Variants in ANKRD13C observed in about 807,000 individuals in gnomAD.
The protein encoded by ANKRD13C is ankyrin repeat domain 13C, also known as ankyrin repeat domain-containing protein 13C.
ANKRD13C carries 16 observed loss-of-function variants against 65.5 expected under a neutral mutation model. The ratio of observed to expected loss-of-function variants is 0.24; its 90% CI spans 0.17 to 0.37. The LOEUF (loss-of-function observed/expected upper bound fraction) is 0.37, where lower values mean the gene tolerates loss of function less well. ANKRD13C is among the 10% of genes least tolerant of loss of function. The pLI is 1.00. For missense variants in ANKRD13C, 503 were observed against 655.9 expected (o/e 0.77, Z 2.55); for synonymous variants, 235 against 238.7 (o/e 0.98, Z 0.14).
chr1:70,316,521 A>T (rs974908852), intron 3 of ANKRD13C, among the ~76,000 whole-genome samples: 11 of 114,016 alleles, frequency 9.6e-5, no homozygotes, highest in African/African-American at 3.2e-4. Flanking sequence ...CATCTCTATT[A>T]AAAAAAAAAA....
intron 9 of ANKRD13C, among the ~76,000 whole-genome samples, chr1:70,291,869 A>T: frequency 6.6e-6 from 1 of 152,010 alleles, no homozygotes; most frequent in Non-Finnish European, 1.5e-5. Context: ...CTGTAATTCT[A>T]GCACTTTGGG....
At chr1:70,268,678 A>G (rs1312370402) in intron 12 of ANKRD13C, among the ~76,000 whole-genome samples, 1 of 152,164 alleles carries the variant, frequency 6.6e-6, no homozygotes, top group East Asian at 1.9e-4. Context: ...AGTAAAAATC[A>G]TCTGCGCTTA....
At chr1:70,283,685 G>GTAA (rs1558270272) in intron 9 of ANKRD13C, among the ~76,000 whole-genome samples, 1 of 151,964 alleles carries the variant, frequency 6.6e-6, no homozygotes, top group Non-Finnish European at 1.5e-5. Context: ...TGTGGTGCCC[G>GTAA]TAATCCCAGC....
At chr1:70,323,056 C>T (rs959396802) in intron 3 of ANKRD13C, among the ~76,000 whole-genome samples, 6 of 152,090 alleles carry the variant, frequency 3.9e-5, no homozygotes, top group African/African-American at 1.4e-4. Context: ...AGAAGACAAT[C>T]TTGTTTCCTC....
chr1:70,336,153 A>G, intron 1 of ANKRD13C, 54 bp from the exon 2 acceptor site: 1 of 492,266 alleles, frequency 2.0e-6, no homozygotes, highest in Non-Finnish European at 3.1e-6. Flanking sequence ...ACATAAGAAC[A>G]TTTACTTAAA....
At chr1:70,300,687 T>G in intron 7 of ANKRD13C, 77 bp downstream of exon 7, 2 of 1,351,036 alleles carry the variant, frequency 1.5e-6, no homozygotes, top group South Asian at 3.5e-5. Context: ...TTTAAGCAAA[T>G]TATACTGAGG....
At chr1:70,350,168 C>A (rs1376811901) in intron 1 of ANKRD13C, among the ~76,000 whole-genome samples, 1 of 152,146 alleles carries the variant, frequency 6.6e-6, no homozygotes, top group African/African-American at 2.4e-5. Flanking sequence ...AATTAACATA[C>A]TCTTGCACTG....
intron 10 of ANKRD13C, among the ~76,000 whole-genome samples, chr1:70,275,865 G>GTGAGAAAA (rs1429586818): frequency 1.3e-5 from 2 of 150,740 alleles, no homozygotes; most frequent in African/African-American, 4.9e-5. Flanking sequence ...AGAGGCTGAG[G>GTGAGAAAA]TGAGAAAATG....
chr1:70,348,459 G>C (rs1341290627), intron 1 of ANKRD13C, among the ~76,000 whole-genome samples: 1 of 152,124 alleles, frequency 6.6e-6, no homozygotes, highest in African/African-American at 2.4e-5. Context: ...TAGAAACGGG[G>C]TTTCACCATG....
At chr1:70,328,515 T>A (rs1394567190) in intron 2 of ANKRD13C, among the ~76,000 whole-genome samples, 1 of 152,054 alleles carries the variant, frequency 6.6e-6, no homozygotes, top group Non-Finnish European at 1.5e-5. Flanking sequence ...ATACACAAAG[T>A]AGCCAGGTGT....
Position 70,324,949 on chromosome 1 carries a change from G to A in ANKRD13C, c.481C>T (p.His161Tyr), listed in dbSNP as rs1251759432. The change falls in exon 3 of 13, where the codon CAT becomes TAT. Residue 161 changes from histidine to tyrosine, a missense_variant. Transcript: ENST00000370944. ...GGAGCATTGTGAGCCAAAAGTAAAT[G>A]GGCACATTCTGCAATATAAAGTAGT... Reference protein sequence around the residue: ...AVMLGNKECAHLLLAHNAPVK... With the variant: ...AVMLGNKECAYLLLAHNAPVK... 1 of 1,609,136 alleles carries A rather than the reference G, an allele frequency of 6.2e-7. No individual in the cohort carries two copies. Among genetic ancestry groups the A allele is most frequent in the East Asian group, 2.2e-5 (1 of 44,694 alleles).
chr1:70,309,732 A>AAATT lies in ANKRD13C; in HGVS notation c.710-3443_710-3442insAATT, dbSNP rs1553248053. Among the ~76,000 whole-genome samples the AAATT allele has an allele frequency of 2.8e-5, 3 of 107,098 alleles. No homozygotes were observed. The East Asian group carries it at 8.4e-4, about 30-fold the overall frequency. The allele number at this position is 107,098 out of a possible 152,430, so 70.3% of individuals were successfully genotyped here. A position where few individuals can be genotyped will look rare whatever the true frequency, so the allele number is the denominator to read the frequency against. ...CTCCGTCGCAAAAAAAAAAAAAAAAAAATAATAATAATAATAATATACAAA... is the reference window on the plus strand; with the variant it reads ...CTCCGTCGCAAAAAAAAAAAAAAAAAAATTAATAATAATAATAATAATATACAAA... On this transcript the variant is annotated intron_variant, in intron 5 of 12. Coordinates refer to ENST00000370944, the MANE Select transcript of ANKRD13C (RefSeq NM_030816.5).
intron 6 of ANKRD13C, among the ~76,000 whole-genome samples, chr1:70,303,818 C>G (rs1012583382): frequency 2.0e-5 from 3 of 152,154 alleles, no homozygotes; most frequent in Non-Finnish European, 4.4e-5. Flanking sequence ...AGATTCTCAT[C>G]ACCTAGGCAA....
chr1:70,349,202 A>T (rs1682646630), intron 1 of ANKRD13C, among the ~76,000 whole-genome samples: 1 of 152,204 alleles, frequency 6.6e-6, no homozygotes, highest in Non-Finnish European at 1.5e-5. Flanking sequence ...ATCAATGGCA[A>T]AAATTGATTC....
intron 1 of ANKRD13C, among the ~76,000 whole-genome samples, chr1:70,342,801 G>GAACT (rs779264265): frequency 1.3e-5 from 2 of 151,712 alleles, no homozygotes; most frequent in African/African-American, 2.4e-5. Context: ...CCCAGGAGGG[G>GAACT]AACTAGATAG....
chr1:70,321,764 T>A (rs1364895767), intron 3 of ANKRD13C, among the ~76,000 whole-genome samples: 1 of 152,202 alleles, frequency 6.6e-6, no homozygotes, highest in Non-Finnish European at 1.5e-5. Flanking sequence ...AGCAACATAA[T>A]CTTGAAATTT....
At chr1:70,295,157 C>A (rs1680025550) in intron 8 of ANKRD13C, among the ~76,000 whole-genome samples, 2 of 152,034 alleles carry the variant, frequency 1.3e-5, no homozygotes, top group African/African-American at 4.8e-5. Flanking sequence ...TCAATCTTGA[C>A]CCTGACTTGA....
intron 3 of ANKRD13C, among the ~76,000 whole-genome samples, chr1:70,319,903 G>T (rs536619975): frequency 6.6e-6 from 1 of 151,826 alleles, no homozygotes; most frequent in Admixed American, 6.6e-5. Context: ...AAAGTTAATG[G>T]CACATCCTGA....
rs1478342381 is a variant in ANKRD13C, at chr1:70,345,014, A to G, written c.431-8915T>C. Among the ~76,000 whole-genome samples, 3 of 152,326 alleles carry G rather than the reference A, an allele frequency of 2.0e-5. No homozygotes were observed. The East Asian group carries it at 5.8e-4, about 29-fold the overall frequency. The stretch of plus-strand genomic sequence containing the variant: ...ATGTTTCTTTAATGTCTGGCTTAAC[A>G]GAAGACAGCAGCTAGGTTTTTATAT... On this transcript the variant is annotated intron_variant, in intron 1 of 12. Coordinates refer to ENST00000370944, the MANE Select transcript of ANKRD13C (RefSeq NM_030816.5).
Sources: gnomAD v4.1 joint callset for allele counts (sites outside exome capture counted in the v4.1 genomes callset) on GRCh38, gnomAD v4.1.1 for gene constraint, MANE v1.5 for transcripts, NCBI Gene and HGNC (gene_info 2026-07-23, HGNC 2026-07-21) for gene names.